Variants in GRM5 observed in about 807,000 individuals in gnomAD.
GRM5 encodes the protein metabotropic glutamate receptor 5.
A neutral mutation model predicts 83.1 loss-of-function variants in GRM5; 19 were observed. The observed-to-expected ratio is 0.23, with a 90% CI of 0.16 to 0.34. The LOEUF (loss-of-function observed/expected upper bound fraction) is 0.34, where lower values mean the gene tolerates loss of function less well. GRM5 is among the 10% of genes least tolerant of loss of function. The pLI, the probability that GRM5 is intolerant of heterozygous loss-of-function variation, is 1.00. For missense variants in GRM5, 1,160 were observed against 1,588.3 expected (o/e 0.73, Z 4.58); for synonymous variants, 675 against 633.6 (o/e 1.07, Z -0.98).
At chr11:88,752,071 C>A (rs1369952182) in intron 3 of GRM5, among the ~76,000 whole-genome samples, 1 of 152,156 alleles carries the variant, frequency 6.6e-6, no homozygotes, top group Non-Finnish European at 1.5e-5. Flanking sequence ...CTCACACCTC[C>A]TATTAAACAT....
intron 3 of GRM5, among the ~76,000 whole-genome samples, chr11:88,791,193 G>C (rs1301878026): frequency 6.6e-6 from 1 of 152,150 alleles, no homozygotes; most frequent in Non-Finnish European, 1.5e-5. Context: ...TTGTTTTCAA[G>C]ACTTAAACCA....
At chr11:88,576,618 A>T (rs1417472493) in intron 7 of GRM5, among the ~76,000 whole-genome samples, 1 of 152,182 alleles carries the variant, frequency 6.6e-6, no homozygotes, top group African/African-American at 2.4e-5. Context: ...TGAAAATAAT[A>T]CAGACTTATC....
chr11:88,745,202 T>TA (rs1942111107), intron 3 of GRM5, among the ~76,000 whole-genome samples: 1 of 143,834 alleles, frequency 7.0e-6, no homozygotes, highest in Non-Finnish European at 1.5e-5. Flanking sequence ...ATTTTTCTTT[T>TA]TTTTTTTTTC....
At chr11:88,687,045 G>A (rs1940645001) in intron 3 of GRM5, among the ~76,000 whole-genome samples, 1 of 151,828 alleles carries the variant, frequency 6.6e-6, no homozygotes, top group African/African-American at 2.4e-5. Context: ...CATTTCATCT[G>A]GCCTATATTT....
chr11:88,647,814 A>C (rs1407157769), intron 4 of GRM5, among the ~76,000 whole-genome samples: 7 of 152,272 alleles, frequency 4.6e-5, no homozygotes, highest in Admixed American at 1.3e-4. Context: ...CAAGGAAAAA[A>C]CAAACAACCC....
rs80073396 is a variant in GRM5, at chr11:88,696,177, G to C, written c.912-42774C>G. On this transcript the variant is annotated intron_variant, in intron 3 of 9. Transcript: ENST00000305447. The stretch of plus-strand genomic sequence containing the variant: ...TTCCCCTGGAGTCCGATTGCCCAGC[G>C]GTAGGGCTCTCCTCCCACTGCTCCT... Among the ~76,000 whole-genome samples, 524 of 152,204 alleles carry C rather than the reference G, an allele frequency of 3.4e-3. 2 individuals are homozygous for C. The highest frequency in any genetic ancestry group is 0.012 in the African/African-American group (508 of 41,550).
At chr11:88,572,556 CT>C (rs985046282) in intron 7 of GRM5, among the ~76,000 whole-genome samples, 2 of 152,008 alleles carry the variant, frequency 1.3e-5, no homozygotes, top group African/African-American at 2.4e-5. Flanking sequence ...AGATTTATTT[CT>C]TTTGAATAAG....
intron 2 of GRM5, among the ~76,000 whole-genome samples, chr11:89,017,826 T>G (rs1940896419): frequency 6.6e-6 from 1 of 152,192 alleles, no homozygotes; most frequent in Non-Finnish European, 1.5e-5. Flanking sequence ...ACAGAATGTT[T>G]GGTTTTCAGT....
At chr11:88,961,247 T>C (rs534343733) in intron 2 of GRM5, among the ~76,000 whole-genome samples, 1 of 152,316 alleles carries the variant, frequency 6.6e-6, no homozygotes, top group East Asian at 1.9e-4. Context: ...GTTCTTAGCA[T>C]CTAGACAGGT....
intron 3 of GRM5, among the ~76,000 whole-genome samples, chr11:88,705,086 G>A (rs181558251): frequency 2.0e-5 from 3 of 152,164 alleles, no homozygotes; most frequent in Admixed American, 2.0e-4. Flanking sequence ...AACTACATAT[G>A]TTATAGGTAA....
At chr11:89,036,187 C>T (rs534546245) in intron 2 of GRM5, among the ~76,000 whole-genome samples, 207 of 152,050 alleles carry the variant, frequency 1.4e-3, no homozygotes, top group Non-Finnish European at 2.0e-3. Context: ...AGGCCTTGCT[C>T]ATCTTACCAC....
In GRM5 at chr11:88,506,221, A is replaced by C. The variant is rs1246105311; in HGVS notation, c.*2371T>G. ...TTTTTATAAGGTAGTGTGCTTTTTA[A>C]GAGATATGTTACTAAAAAAATAGAA... On this transcript the variant is annotated 3_prime_UTR_variant, in exon 10 of 10. Transcript: ENST00000305447. 1 of 152,190 alleles carries C rather than the reference A, an allele frequency of 6.6e-6. No homozygotes were observed. The highest frequency in any genetic ancestry group is 2.4e-5 in the African/African-American group (1 of 41,454). 9.4% of individuals were successfully genotyped at this position (152,190 alleles called of 1,614,324 possible).
At chr11:88,538,640 G>T (rs1244669275) in intron 8 of GRM5, among the ~76,000 whole-genome samples, 1 of 152,170 alleles carries the variant, frequency 6.6e-6, no homozygotes, top group Non-Finnish European at 1.5e-5. Flanking sequence ...AATTGGAAAT[G>T]CAGTGAAGTC....
rs372420113 is a variant in GRM5 at position 88,614,153 on chromosome 11, T to C, written c.1148-9189A>G. On this transcript the variant is annotated intron_variant, in intron 4 of 9. Coordinates refer to ENST00000305447, the MANE Select transcript of GRM5 (RefSeq NM_001143831.3). ...GGTGGGTTTGAGTCTCATTCTTTTA[T>C]TTTTCTCTCTTTTGAACAGGGTATG... Among the ~76,000 whole-genome samples the C allele has an allele frequency of 2.4e-4, 37 of 152,276 alleles. 1 individual carries two copies. In the South Asian group the frequency reaches 7.3e-3, roughly 30 times the overall value.
chr11:88,682,731 T>A (rs1940525993), intron 3 of GRM5, among the ~76,000 whole-genome samples: 1 of 152,186 alleles, frequency 6.6e-6, no homozygotes, highest in Non-Finnish European at 1.5e-5. Flanking sequence ...CTAATCATAG[T>A]AAGACAGGAT....
At chr11:88,884,334 T>C (rs1437121136) in intron 2 of GRM5, among the ~76,000 whole-genome samples, 1 of 152,194 alleles carries the variant, frequency 6.6e-6, no homozygotes, top group Non-Finnish European at 1.5e-5. Flanking sequence ...CTGAAGCCCC[T>C]TTGTTTTGGC....
Position 88,509,389 on chromosome 11 carries a change from C to T in GRM5, c.2842G>A (p.Val948Ile), listed in dbSNP as rs763053784. ...GTGCTCTTGGGGAAGGGCTTGATGA[C>T]GGCCGTTTGGTTGGGGTTTTCTTTC... ...NKKENPNQTAVIKPFPKSTES... is the reference protein window; with the variant it reads ...NKKENPNQTAIIKPFPKSTES... Residue 948 changes from valine (V) to isoleucine (I), a missense_variant, in exon 10 of 10, where the codon GTC (valine) becomes ATC (isoleucine). Coordinates refer to ENST00000305447, the MANE Select transcript of GRM5 (RefSeq NM_001143831.3). The T allele has an allele frequency of 5.6e-6, 9 of 1,612,708 alleles. No homozygotes were observed. The highest frequency in any genetic ancestry group is 5.3e-5 in the African/African-American group (4 of 75,040).
intron 3 of GRM5, among the ~76,000 whole-genome samples, chr11:88,711,248 A>G (rs1941274063): frequency 6.6e-6 from 1 of 152,100 alleles, no homozygotes; most frequent in Non-Finnish European, 1.5e-5. Flanking sequence ...CAACAAAGCC[A>G]TAAATATTCT....
intron 2 of GRM5, among the ~76,000 whole-genome samples, chr11:88,931,573 G>A (rs1218003799): frequency 6.6e-6 from 1 of 152,144 alleles, no homozygotes; most frequent in Admixed American, 6.6e-5. Context: ...GGAAAACCAT[G>A]TTGAGGAACT....
Sources: gnomAD v4.1 joint callset for allele counts (sites outside exome capture counted in the v4.1 genomes callset) on GRCh38, gnomAD v4.1.1 for gene constraint, MANE v1.5 for transcripts, NCBI Gene and HGNC (gene_info 2026-07-23, HGNC 2026-07-21) for gene names.